OPRM1: variants seen among roughly 807,000 people sequenced by gnomAD.
OPRM1 encodes mu-type opioid receptor.
In OPRM1, 27 loss-of-function variants were observed where a neutral mutation model predicts 31.8. The observed-to-expected ratio is 0.85, with a 90% CI of 0.63 to 1.17. The LOEUF (loss-of-function observed/expected upper bound fraction) is 1.17. Among genes scored for constraint, OPRM1 ranks in the 50% most tolerant of loss-of-function variants. The probability of loss-of-function intolerance (pLI) is 0.00; values close to 1 mark genes in which losing one functional copy is unlikely to be tolerated. For missense variants in OPRM1, 536 were observed against 511.1 expected (o/e 1.05, Z -0.47); for synonymous variants, 196 against 189.9 (o/e 1.03, Z -0.26).
intron 3 of OPRM1, among the ~76,000 whole-genome samples, chr6:154,243,021 T>A (rs1360235606): frequency 2.0e-5 from 3 of 152,058 alleles, no homozygotes; most frequent in Admixed American, 6.6e-5. Flanking sequence ...AGGGATAAGT[T>A]TGATGGAATT....
downstream of OPRM1, among the ~76,000 whole-genome samples, chr6:154,136,677 T>C (rs929047552): frequency 6.6e-6 from 1 of 152,038 alleles, no homozygotes; most frequent in Non-Finnish European, 1.5e-5. Flanking sequence ...GAAATTCAGG[T>C]ACAACAAAAA....
intron 3 of OPRM1, among the ~76,000 whole-genome samples, chr6:154,209,041 T>C (rs764412872): frequency 6.6e-6 from 1 of 152,236 alleles, no homozygotes; most frequent in Non-Finnish European, 1.5e-5. Flanking sequence ...ACATGTTCTT[T>C]ATTATCTCGT....
chr6:154,214,215 T>C (rs756494619), intron 3 of OPRM1: 7 of 1,589,552 alleles, frequency 4.4e-6, no homozygotes, highest in African/African-American at 4.0e-5. Flanking sequence ...AAATAGAACA[T>C]ACCTTCATCC....
Position 154,235,594 on chromosome 6 carries a change from C to A in OPRM1, c.1165-11099C>A, listed in dbSNP as rs1050513889. Among the ~76,000 whole-genome samples, 4 of 148,496 alleles carry A rather than the reference C, an allele frequency of 2.7e-5. 1 individual carries two copies. The South Asian group carries it at 8.5e-4, about 32-fold the overall frequency. On this transcript the variant is annotated intron_variant, in intron 3 of 3. Transcript: ENST00000337049. ...AAGTCTTTTAAAATCACAGTCAGTA[C>A]AACACATAATCTTGCCTTCCTGCAA...
intron 3 of OPRM1, among the ~76,000 whole-genome samples, chr6:154,114,535 C>T (rs1796667110): frequency 6.6e-6 from 1 of 152,038 alleles, no homozygotes; most frequent in African/African-American, 2.4e-5. Context: ...ACTGCAACAG[C>T]CCAGTAAACA....
intron 3 of OPRM1, among the ~76,000 whole-genome samples, chr6:154,145,185 G>A (rs911207407): frequency 7.9e-5 from 12 of 152,088 alleles, no homozygotes; most frequent in African/African-American, 2.7e-4. Context: ...AGTTAAGAAG[G>A]AAACAAACCA....
At chr6:154,199,787 A>G (rs928975377) in intron 3 of OPRM1, 4 of 1,614,246 alleles carry the variant, frequency 2.5e-6, no homozygotes, top group Admixed American at 3.3e-5. Flanking sequence ...TTCTGATGTG[A>G]CAAAACTGTT....
intron 3 of OPRM1, among the ~76,000 whole-genome samples, chr6:154,139,896 C>A (rs1393482805): frequency 1.3e-5 from 2 of 152,114 alleles, no homozygotes; most frequent in African/African-American, 2.4e-5. Flanking sequence ...GCGTTCATTC[C>A]CCTGGCCCGC....
At chr6:154,108,904 T>C in intron 3 of OPRM1, 1 of 985,166 alleles carries the variant, frequency 1.0e-6, no homozygotes, top group Non-Finnish European at 1.2e-6. Context: ...AGAGAAAAAT[T>C]TTAGTCCAAA....
intron 1 of OPRM1, among the ~76,000 whole-genome samples, chr6:154,042,224 A>G (rs1049840348): frequency 6.6e-6 from 1 of 152,208 alleles, no homozygotes; most frequent in Non-Finnish European, 1.5e-5. Flanking sequence ...TTAGTGACAG[A>G]TGAAGCGACA....
chr6:154,171,715 C>T (rs1360985765), intron 3 of OPRM1, among the ~76,000 whole-genome samples: 1 of 152,146 alleles, frequency 6.6e-6, no homozygotes, highest in Non-Finnish European at 1.5e-5. Context: ...AGCATGGCCA[C>T]AGTCATGGGG....
intron 3 of OPRM1, among the ~76,000 whole-genome samples, chr6:154,213,749 G>A (rs893313541): frequency 2.6e-5 from 4 of 152,128 alleles, no homozygotes; most frequent in African/African-American, 7.2e-5. Context: ...GCTACCGACT[G>A]AGCTAAAAAT....
At chr6:154,099,288 GAAGGAAGGAAGGAAGGAAGA>G (rs1244291164) in intron 3 of OPRM1, among the ~76,000 whole-genome samples, 25 of 69,448 alleles carry the variant, frequency 3.6e-4, no homozygotes, top group South Asian at 8.6e-4. Context: ...CTGTCGAAAG[GAAGGAAGGAAGGAAGGAAGA>G]AAGGAAGGAA....
At chr6:154,199,218 G>A (rs1280253372) in intron 3 of OPRM1, among the ~76,000 whole-genome samples, 5 of 152,194 alleles carry the variant, frequency 3.3e-5, no homozygotes, top group Non-Finnish European at 5.9e-5. Context: ...TTCAGGAGCC[G>A]ACAGGCTAAG....
At chr6:154,065,112 A>T (rs1004535618) in intron 1 of OPRM1, among the ~76,000 whole-genome samples, 5 of 151,916 alleles carry the variant, frequency 3.3e-5, no homozygotes, top group African/African-American at 1.2e-4. Flanking sequence ...CCAATCCATG[A>T]ACATGGGATG....
chr6:154,233,855 G>A (rs1025653768), intron 3 of OPRM1, among the ~76,000 whole-genome samples: 18 of 152,118 alleles, frequency 1.2e-4, no homozygotes, highest in African/African-American at 3.4e-4. Flanking sequence ...AGAGGTCCTC[G>A]GAGATCACTG....
intron 3 of OPRM1, chr6:154,158,327 G>C (rs1268016094): frequency 6.6e-6 from 1 of 152,136 alleles, no homozygotes; most frequent in Non-Finnish European, 1.5e-5. Flanking sequence ...AAATATTCAT[G>C]GTGATTAGTA....
chr6:154,137,969 C>T lies in OPRM1; in HGVS notation c.1164+46497C>T, dbSNP rs539871721. Among the ~76,000 whole-genome samples, 103 of 152,288 alleles carry T rather than the reference C, an allele frequency of 6.8e-4. 1 individual carries two copies. Among genetic ancestry groups the T allele is most frequent in the Non-Finnish European group, 1.1e-3 (75 of 68,020 alleles). On this transcript the variant is annotated intron_variant, in intron 3 of 3. Transcript: ENST00000337049. ...TCAGAATTCATTTGTTTCCAACTAA[C>T]ATGGGGCATAATGCTGAGCATTGGA...
At chr6:154,071,881 A>G (rs1175803372) in intron 1 of OPRM1, among the ~76,000 whole-genome samples, 1 of 152,194 alleles carries the variant, frequency 6.6e-6, no homozygotes, top group African/African-American at 2.4e-5. Context: ...TTTTCCAGGC[A>G]TGGTTACAAA....
Sources: allele counts gnomAD v4.1 joint callset (sites outside exome capture counted in the v4.1 genomes callset), GRCh38; gene constraint gnomAD v4.1.1; transcripts MANE v1.5; gene names NCBI Gene and HGNC (gene_info 2026-07-23, HGNC 2026-07-21).